The following GAK variants were observed in gnomAD, a reference collection of about 807,000 sequenced individuals.
GAK encodes cyclin-G-associated kinase.
GAK carries 79 observed loss-of-function variants against 143.9 expected under a neutral mutation model. The ratio of observed to expected loss-of-function variants is 0.55; its 90% CI spans 0.46 to 0.66. GAK has a LOEUF of 0.66. Among genes scored for constraint, GAK ranks in the 30% least tolerant of loss-of-function variants. The pLI is 0.00. For synonymous variants in GAK, 881 were observed against 765.5 expected (o/e 1.15, Z -2.49); for missense variants, 1,693 against 1,779.7 (o/e 0.95, Z 0.88).
Position 849,631 on chromosome 4 carries a change from C to T in GAK, c.*42G>A, listed in dbSNP as rs982220008. The T allele has an allele frequency of 7.2e-6, 11 of 1,525,998 alleles. No individual in the cohort carries two copies. The highest frequency in any genetic ancestry group is 9.9e-6 in the Non-Finnish European group (11 of 1,108,074). The allele number at this position is 1,525,998 out of a possible 1,614,324, so 94.5% of individuals were successfully genotyped here. Reference sequence around the variant, plus strand: ...GGGGACCCAGGTCCCACGACGGCTCCCAACCTGTGGAGCTGTGTGCGCAGC... The same window carrying T: ...GGGGACCCAGGTCCCACGACGGCTCTCAACCTGTGGAGCTGTGTGCGCAGC... On this transcript the variant is annotated 3_prime_UTR_variant, in exon 28 of 28. Transcript: ENST00000314167.
At chr4:883,825 G>T (rs1197713734) in intron 12 of GAK, among the ~76,000 whole-genome samples, 1 of 152,260 alleles carries the variant, frequency 6.6e-6, no homozygotes, top group Admixed American at 6.5e-5. Flanking sequence ...AGCCATGGGA[G>T]GCCAGGCTGG....
At chr4:900,651 C>A (rs1719697837) in intron 5 of GAK, among the ~76,000 whole-genome samples, 1 of 152,206 alleles carries the variant, frequency 6.6e-6, no homozygotes, top group Non-Finnish European at 1.5e-5. Flanking sequence ...ACTGGCCCCT[C>A]ATGGAGCCCT....
intron 4 of GAK, among the ~76,000 whole-genome samples, chr4:910,304 G>A (rs1431373780): frequency 6.9e-6 from 1 of 145,540 alleles, no homozygotes; most frequent in Non-Finnish European, 1.5e-5. Context: ...GCAGTACAGA[G>A]CCCCCCGCTA....
chr4:876,685 A>C, intron 17 of GAK, 76 bp from the exon 18 acceptor site: 1 of 1,277,146 alleles, frequency 7.8e-7, no homozygotes. Context: ...ATTTTTCCCA[A>C]TGGGCGAGAT....
intron 23 of GAK, among the ~76,000 whole-genome samples, chr4:861,282 G>A (rs1750229801): frequency 6.6e-6 from 1 of 152,208 alleles, no homozygotes; most frequent in Non-Finnish European, 1.5e-5. Context: ...TGAGCTTAGT[G>A]AGCAAGGCAC....
intron 5 of GAK, among the ~76,000 whole-genome samples, chr4:903,123 A>G (rs1018818144): frequency 6.6e-6 from 1 of 152,186 alleles, no homozygotes; most frequent in African/African-American, 2.4e-5. Flanking sequence ...GCGCAGGCCC[A>G]GCCCCGGCCC....
At chr4:867,591 GC>G (rs1486918726) in intron 20 of GAK, among the ~76,000 whole-genome samples, 159 bp from the exon 21 acceptor site, 3 of 150,032 alleles carry the variant, frequency 2.0e-5, no homozygotes, top group African/African-American at 7.4e-5. Flanking sequence ...GGCCTCCTCG[GC>G]CCAGGGCCTT....
At chr4:901,008 A>G (rs1719766949) in intron 5 of GAK, among the ~76,000 whole-genome samples, 1 of 152,204 alleles carries the variant, frequency 6.6e-6, no homozygotes, top group Non-Finnish European at 1.5e-5. Context: ...CTGGCATTCT[A>G]GGCCCTCTGA....
Position 888,960 on chromosome 4 carries a change from C to T in GAK, c.1092G>A (p.Leu364=). 6.2e-7 allele frequency: 1 copy of T among 1,611,500 alleles called. No individual in the cohort carries two copies. The highest frequency in any genetic ancestry group is 1.1e-5 in the South Asian group (1 of 90,924). ...CGCCATACGGCTGGTCGTACTCCGC[C>T]AGCGCCAGGCCTGCAGGGAGACACA... ...AGSGYSGGLA[L]AEYDQPYGGF... Residue 364 remains leucine, a synonymous_variant, in exon 11 of 28, where the codon CTG becomes CTA. Coordinates refer to ENST00000314167, the MANE Select transcript of GAK (RefSeq NM_005255.4).
At chr4:905,764 A>G (rs1720977457) in intron 4 of GAK, among the ~76,000 whole-genome samples, 1 of 152,108 alleles carries the variant, frequency 6.6e-6, no homozygotes, top group South Asian at 2.1e-4. Flanking sequence ...GTTACTGCAG[A>G]CGCCACCACA....
intron 1 of GAK, among the ~76,000 whole-genome samples, chr4:923,379 C>A (rs972564468): frequency 2.0e-5 from 3 of 152,166 alleles, no homozygotes; most frequent in Non-Finnish European, 4.4e-5. Flanking sequence ...AATTAAGGAA[C>A]AGGCACAGGC....
In GAK at chr4:877,002, C is replaced by T. The variant is rs917810089; in HGVS notation, c.1974+88G>A. On this transcript the variant is annotated intron_variant, in intron 17 of 27. Coordinates refer to ENST00000314167, the MANE Select transcript of GAK (RefSeq NM_005255.4). The stretch of plus-strand genomic sequence containing the variant: ...CCAAACAGCGAGCACCCTGGACCCT[C>T]GGTGAGAAGTGAGCGCACTGTGGCC... The T allele has an allele frequency of 6.5e-5, 58 of 895,780 alleles. No individual in the cohort carries two copies. The Admixed American group carries it at 8.2e-4, about 13-fold the overall frequency. 55.5% of individuals were successfully genotyped at this position (895,780 alleles called of 1,614,324 possible).
At chr4:881,774 C>T (rs576445070) in intron 15 of GAK, 133 bp downstream of exon 15, 17 of 1,151,606 alleles carry the variant, frequency 1.5e-5, no homozygotes, top group Admixed American at 5.7e-5. Context: ...CATGGCTCCG[C>T]GAGGCCGGGC....
At chr4:930,945 TACC>T (rs1285656952) in intron 1 of GAK, among the ~76,000 whole-genome samples, 1 of 152,124 alleles carries the variant, frequency 6.6e-6, no homozygotes, top group East Asian at 1.9e-4. Flanking sequence ...CCCTGAGAGG[TACC>T]AGGGAGCTGG....
intron 1 of GAK, among the ~76,000 whole-genome samples, chr4:917,985 C>T (rs531086300): frequency 6.6e-6 from 1 of 152,240 alleles, no homozygotes; most frequent in East Asian, 1.9e-4. Context: ...AGAAGGGTTC[C>T]CAGCTCATTG....
intron 4 of GAK, among the ~76,000 whole-genome samples, chr4:908,817 T>A (rs556107893): frequency 1.4e-3 from 216 of 152,294 alleles, no homozygotes; most frequent in Non-Finnish European, 2.6e-3. Flanking sequence ...TCAATTTTTT[T>A]AAAAAGGAAA....
In GAK at chr4:859,783, G is replaced by A. The variant is rs143733850; in HGVS notation, c.3167-61C>T. The stretch of plus-strand genomic sequence containing the variant: ...ATCTGAAGCGAAACACATCCTCCTG[G>A]GACCTCCGATGGCGCCTCCTTACGA... On this transcript the variant is annotated intron_variant, in intron 23 of 27. Coordinates refer to ENST00000314167, the MANE Select transcript of GAK (RefSeq NM_005255.4). The A allele has an allele frequency of 1.0e-4, 124 of 1,237,804 alleles. 1 individual carries two copies. The Middle Eastern group carries it at 1.2e-3, about 12-fold the overall frequency. 76.7% of individuals were successfully genotyped at this position (1,237,804 alleles called of 1,614,324 possible).
chr4:896,237 T>C (rs1367214536), intron 7 of GAK, among the ~76,000 whole-genome samples: 1 of 151,906 alleles, frequency 6.6e-6, no homozygotes, highest in Non-Finnish European at 1.5e-5. Context: ...ACCACTGCAC[T>C]CCAGCCTGGG....
intron 19 of GAK, chr4:869,580 T>C (rs1711986590): frequency 1.6e-5 from 1 of 60,628 alleles, no homozygotes; most frequent in Non-Finnish European, 3.1e-5. Context: ...AGATGCACAG[T>C]ACACACGAAT....
Sources: allele counts gnomAD v4.1 joint callset (sites outside exome capture counted in the v4.1 genomes callset), GRCh38; gene constraint gnomAD v4.1.1; transcripts MANE v1.5; gene names NCBI Gene and HGNC (gene_info 2026-07-23, HGNC 2026-07-21).